SCN2A: variants seen among roughly 807,000 people sequenced by gnomAD.
SCN2A encodes the protein sodium channel protein type 2 subunit alpha.
A neutral mutation model predicts 188.7 loss-of-function variants in SCN2A; 20 were observed. The observed-to-expected ratio is 0.11, with a 90% CI of 0.07 to 0.15. The LOEUF is 0.15. Ranked by LOEUF, SCN2A falls within the 10% of genes least tolerant of loss-of-function variation. The probability of loss-of-function intolerance (pLI) is 1.00; values close to 1 mark genes in which losing one functional copy is unlikely to be tolerated. For synonymous variants in SCN2A, 804 were observed against 833.1 expected (o/e 0.97, Z 0.60); for missense variants, 1,278 against 2,445.0 (o/e 0.52, Z 10.07).
At chr2:165,308,118 G>A (rs1226679338) in intron 4 of SCN2A, among the ~76,000 whole-genome samples, 181 bp downstream of exon 4, 1 of 152,108 alleles carries the variant, frequency 6.6e-6, no homozygotes, top group African/African-American at 2.4e-5. Flanking sequence ...GGCTCACTTA[G>A]TTGTGTAAAT....
In SCN2A at chr2:165,389,134, G is replaced by A. The variant is rs1702024605; in HGVS notation, c.5328G>A (p.Leu1776=). The A allele has an allele frequency of 1.2e-6, 2 of 1,613,954 alleles. No individual in the cohort carries two copies. The highest frequency in any genetic ancestry group is 8.5e-7 in the Non-Finnish European group (1 of 1,180,006). ...VVVNMYIAVI[L]ENFSVATEES... is the part of the protein sequence containing the mutation. ...TGAACATGTACATCGCGGTCATCCT[G>A]GAGAACTTCAGTGTTGCTACTGAAG... is the stretch of plus-strand genomic sequence containing the variant. The change falls in exon 27 of 27, where the codon CTG becomes CTA. Residue 1776 remains leucine (L), a synonymous_variant. Transcript: ENST00000375437. This position sits in a 1 kb window ranked among gnomAD's most constrained non-coding sequence, Gnocchi z 4.2.
intron 1 of SCN2A, chr2:165,270,626 A>G (rs1414709411): frequency 1.3e-5 from 2 of 152,102 alleles, no homozygotes; most frequent in Non-Finnish European, 2.9e-5. Context: ...CCCCAGGCCA[A>G]CTAATTTTCT....
At chr2:165,294,263 C>A in intron 1 of SCN2A, 1 of 284,522 alleles carries the variant, frequency 3.5e-6, no homozygotes, top group Non-Finnish European at 5.3e-6. Flanking sequence ...CATGTTTTAG[C>A]ATGTCTCTTC....
intron 23 of SCN2A, among the ~76,000 whole-genome samples, chr2:165,378,589 A>T (rs1463521882): frequency 1.3e-5 from 2 of 151,780 alleles, no homozygotes; most frequent in Admixed American, 1.3e-4. Flanking sequence ...TAATGCGTTA[A>T]ATGGGAAAAC....
At chr2:165,352,849 C>A (rs996030685) in intron 16 of SCN2A, among the ~76,000 whole-genome samples, 3 of 152,074 alleles carry the variant, frequency 2.0e-5, no homozygotes, top group Non-Finnish European at 4.4e-5. Context: ...ACACTTCTGG[C>A]CCCAAGCATT....
In SCN2A at chr2:165,373,185, T is replaced by C. The variant is rs150568699; in HGVS notation, c.3850-40T>C. Reference sequence around the variant, plus strand: ...CAAGGCTGAACTGTGTAGACATTTTTATATGTAAATAAGAAAATTGTGTTG... The same window carrying C: ...CAAGGCTGAACTGTGTAGACATTTTCATATGTAAATAAGAAAATTGTGTTG... On this transcript the variant is annotated intron_variant, in intron 20 of 26. Coordinates refer to ENST00000375437, the MANE Select transcript of SCN2A (RefSeq NM_001040142.2). 6.9e-4 allele frequency: 1,105 copies of C among 1,607,812 alleles called. 3 individuals carry two copies. The African/African-American group carries it at 0.012, about 17-fold the overall frequency.
In SCN2A at chr2:165,284,210, G is replaced by A. The variant is rs189431825; in HGVS notation, c.-51-11563G>A. ...TTTTGAGACAGAGTCTGGCTCTGTC[G>A]CCCAGGTTGGAGTGCAGTGGCGCGA... On this transcript the variant is annotated intron_variant, in intron 1 of 26. Transcript: ENST00000375437. 1.9e-3 allele frequency among the ~76,000 whole-genome samples: 286 copies of A among 151,824 alleles called. 6 individuals are homozygous for A. In the Middle Eastern group the frequency reaches 0.027, roughly 14 times the overall value.
chr2:165,296,145 A>C, intron 2 of SCN2A, 55 bp downstream of exon 2: 1 of 1,533,726 alleles, frequency 6.5e-7, no homozygotes, highest in East Asian at 2.2e-5. Flanking sequence ...GTTCTGGGCT[A>C]GTCCCAGGGA....
At chr2:165,326,773 A>G in intron 12 of SCN2A, 79 bp from the exon 13 acceptor site, 14 of 1,476,266 alleles carry the variant, frequency 9.5e-6, no homozygotes, top group Non-Finnish European at 1.3e-5. Context: ...ATTTAGTTAA[A>G]TAACACCTGT....
chr2:165,267,552 A>G (rs944249870), intron 1 of SCN2A: 6 of 151,986 alleles, frequency 3.9e-5, no homozygotes, highest in East Asian at 1.9e-4. Flanking sequence ...AGAAGAAAAT[A>G]TAGGGGAAAA....
intron 1 of SCN2A, among the ~76,000 whole-genome samples, chr2:165,291,525 T>TTCCTTCC (rs1696182781): frequency 5.1e-5 from 3 of 58,604 alleles, no homozygotes; most frequent in African/African-American, 8.0e-5. Context: ...CTCTCCTTTC[T>TTCCTTCC]TTCCTTCCTT....
chr2:165,333,208 T>G (rs1461862807), intron 14 of SCN2A, among the ~76,000 whole-genome samples: 1 of 151,910 alleles, frequency 6.6e-6, no homozygotes, highest in East Asian at 1.9e-4. Flanking sequence ...TAGGATACCA[T>G]TACCAGAAGG....
At chr2:165,329,592 T>A (rs1209725554) in intron 13 of SCN2A, among the ~76,000 whole-genome samples, 1 of 152,226 alleles carries the variant, frequency 6.6e-6, no homozygotes, top group African/African-American at 2.4e-5. Flanking sequence ...TTTTTTAAAC[T>A]TTTCTCCAGT....
intron 13 of SCN2A, 28 bp from the exon 14 acceptor site, chr2:165,331,302 A>C: frequency 6.5e-7 from 1 of 1,533,390 alleles, no homozygotes; most frequent in South Asian, 1.1e-5. Flanking sequence ...AGCAGTTTTC[A>C]TGAGGATTCT....
chr2:165,362,968 G>C (rs1013639462), intron 17 of SCN2A, among the ~76,000 whole-genome samples: 1 of 152,054 alleles, frequency 6.6e-6, no homozygotes, highest in Non-Finnish European at 1.5e-5. Context: ...GAAATGGTGT[G>C]GTGGTGAAAG....
chr2:165,381,206 A>T lies in SCN2A; in HGVS notation c.4551+9A>T. ...CCATACCTCGACCTGCTGTAAGAAT[A>T]ACATATTTTCATTGCCTGTTAAAAC... On this transcript the variant is annotated intron_variant, in intron 25 of 26. Coordinates refer to ENST00000375437, the MANE Select transcript of SCN2A (RefSeq NM_001040142.2). The T allele has an allele frequency of 1.3e-6, 2 of 1,547,314 alleles. No individual in the cohort carries two copies. Among genetic ancestry groups the T allele is most frequent in the Non-Finnish European group, 1.8e-6 (2 of 1,134,874 alleles).
rs746163041 is a variant in SCN2A, at chr2:165,344,869, C to T, written c.2877C>T (p.Cys959=). 10 of 1,614,114 alleles carry T rather than the reference C, an allele frequency of 6.2e-6. No homozygotes were observed. The highest frequency in any genetic ancestry group is 7.6e-6 in the Non-Finnish European group (9 of 1,180,022). Residue 959 remains cysteine, a synonymous_variant, in exon 16 of 27, where the codon TGC becomes TGT. Coordinates refer to ENST00000375437, the MANE Select transcript of SCN2A (RefSeq NM_001040142.2). ...TGGAGGTCGCTGGCCAAACCATGTGCCTTACTGTCTTCATGATGGTCATGG... is the reference window on the plus strand; with the variant it reads ...TGGAGGTCGCTGGCCAAACCATGTGTCTTACTGTCTTCATGATGGTCATGG... The part of the protein sequence containing the change: ...DCMEVAGQTM[C]LTVFMMVMVI...
At chr2:165,359,341 C>T (rs1053356279) in intron 17 of SCN2A, among the ~76,000 whole-genome samples, 5 of 151,996 alleles carry the variant, frequency 3.3e-5, no homozygotes, top group South Asian at 4.1e-4. Flanking sequence ...GCTTGTTTCT[C>T]GGAAAGAGGC....
At chr2:165,322,401 A>T (rs1698121366) in intron 11 of SCN2A, among the ~76,000 whole-genome samples, 1 of 152,182 alleles carries the variant, frequency 6.6e-6, no homozygotes, top group African/African-American at 2.4e-5. Flanking sequence ...AGAGTTGAGG[A>T]TTATTTCTCA....
Sources: gnomAD v4.1 joint callset for allele counts (sites outside exome capture counted in the v4.1 genomes callset) on GRCh38, gnomAD v4.1.1 for gene constraint, Gnocchi (gnomAD v3.1) non-coding constraint, MANE v1.5 for transcripts, NCBI Gene and HGNC (gene_info 2026-07-23, HGNC 2026-07-21) for gene names.